The following ZSWIM6 variants were observed in gnomAD, a reference collection of about 807,000 sequenced individuals.
ZSWIM6 encodes zinc finger SWIM-type containing 6, also known as zinc finger SWIM domain-containing protein 6.
In ZSWIM6, 9 loss-of-function variants were observed where a neutral mutation model predicts 113.2. That is an observed-to-expected ratio of 0.08 (90% confidence interval 0.05 to 0.14). The LOEUF (loss-of-function observed/expected upper bound fraction) is 0.14. Among genes scored for constraint, ZSWIM6 ranks in the 10% least tolerant of loss-of-function variants. The pLI is 1.00. For synonymous variants in ZSWIM6, 611 were observed against 606.5 expected, an observed-to-expected ratio of 1.01 and a Z score of -0.11; for missense variants, 1,162 against 1,552.2, an observed-to-expected ratio of 0.75 and a Z score of 4.22.
At chr5:61,427,641 G>A (rs918604821) in intron 1 of ZSWIM6, among the ~76,000 whole-genome samples, 2 of 151,954 alleles carry the variant, frequency 1.3e-5, no homozygotes, top group Admixed American at 1.3e-4. Flanking sequence ...ACTGTGCCTC[G>A]TTAATTTTTA....
At chr5:61,383,379 G>T (rs1421018484) in intron 1 of ZSWIM6, among the ~76,000 whole-genome samples, 1 of 152,178 alleles carries the variant, frequency 6.6e-6, no homozygotes, top group African/African-American at 2.4e-5. Flanking sequence ...GGAGGACCAT[G>T]TGCCTGGCTG....
At chr5:61,393,414 G>T (rs1322105645) in intron 1 of ZSWIM6, among the ~76,000 whole-genome samples, 3 of 152,164 alleles carry the variant, frequency 2.0e-5, no homozygotes, top group East Asian at 1.9e-4. Context: ...AACATTATTG[G>T]TGTATTCATC....
rs1747602777 is a variant in ZSWIM6, at chr5:61,472,714, C to T, written c.710C>T (p.Ala237Val). The change falls in exon 2 of 14, where the codon GCA becomes GTA. Residue 237 changes from alanine (A) to valine (V), a missense_variant. This residue lies in a region of ZSWIM6 where 96 missense variants were observed against 240.3 expected (regional missense o/e 0.40). Transcript: ENST00000252744. This position sits in a 1 kb window ranked among gnomAD's most constrained non-coding sequence, Gnocchi z 4.1. ...TTGAGCGGCACAGTGACAGAACCTG[C>T]AATACAATCGGAGCCAGAAACTGTT... ...FHLSGTVTEP[A>V]IQSEPETVCN... is the part of the protein sequence containing the mutation. The T allele has an allele frequency of 6.5e-7, 1 of 1,545,624 alleles. No individual in the cohort carries two copies. The highest frequency in any genetic ancestry group is 2.0e-5 in the Admixed American group (1 of 50,690).
chr5:61,474,170 T>C (rs1747648768), intron 2 of ZSWIM6, among the ~76,000 whole-genome samples: 1 of 152,206 alleles, frequency 6.6e-6, no homozygotes, highest in South Asian at 2.1e-4. Context: ...GGTTTGTGTT[T>C]TGTTGTTTTT....
chr5:61,452,362 A>C (rs1315186797), intron 1 of ZSWIM6, among the ~76,000 whole-genome samples: 2 of 152,172 alleles, frequency 1.3e-5, no homozygotes, highest in Non-Finnish European at 2.9e-5. Flanking sequence ...TTTTTATTAC[A>C]AAAATGTTAT....
At position 61,446,065 on chromosome 5, in the gene ZSWIM6, C is replaced by T. The variant is rs557366506; in HGVS notation, c.677-26616C>T. Among the ~76,000 whole-genome samples, 33 of 152,278 alleles carry T rather than the reference C, an allele frequency of 2.2e-4. No homozygotes were observed. The South Asian group carries it at 6.6e-3, about 31-fold the overall frequency. ...CAAACATTTATCACATTTACATGTA[C>T]TCTTGTCGCCAGGCTGAGTGGCATG... On this transcript the variant is annotated intron_variant, in intron 1 of 13. Coordinates refer to ENST00000252744, the MANE Select transcript of ZSWIM6 (RefSeq NM_020928.2).
chr5:61,377,703 G>A (rs1745400476), intron 1 of ZSWIM6, among the ~76,000 whole-genome samples: 20 of 148,932 alleles, frequency 1.3e-4, no homozygotes, highest in Admixed American at 1.1e-3. Flanking sequence ...GCGACAGAGC[G>A]AGACTTCGTC....
At chr5:61,355,080 A>G (rs544520120) in intron 1 of ZSWIM6, among the ~76,000 whole-genome samples, 4 of 152,100 alleles carry the variant, frequency 2.6e-5, no homozygotes, top group Admixed American at 2.0e-4. Context: ...AATGTGACTG[A>G]TATTTTTTGT....
At chr5:61,523,922 A>G (rs1749208184) in intron 5 of ZSWIM6, among the ~76,000 whole-genome samples, 1 of 152,232 alleles carries the variant, frequency 6.6e-6, no homozygotes, top group Non-Finnish European at 1.5e-5. Flanking sequence ...TCAGGTATCT[A>G]TTAATGTTTT....
intron 1 of ZSWIM6, among the ~76,000 whole-genome samples, chr5:61,334,625 C>T (rs1177627231): frequency 6.6e-6 from 1 of 152,140 alleles, no homozygotes; most frequent in Non-Finnish European, 1.5e-5. Context: ...TCTGCATGGT[C>T]ATTTATTTCC....
chr5:61,474,558 C>T (rs1298107394), intron 2 of ZSWIM6, among the ~76,000 whole-genome samples: 2 of 152,098 alleles, frequency 1.3e-5, no homozygotes, highest in Non-Finnish European at 2.9e-5. Context: ...TGTTATTTTA[C>T]TTTTTTTCAT....
chr5:61,519,139 G>C (rs896964909), intron 4 of ZSWIM6, among the ~76,000 whole-genome samples: 1 of 152,040 alleles, frequency 6.6e-6, no homozygotes, highest in Non-Finnish European at 1.5e-5. Context: ...AACAAACCAG[G>C]GTAGATTCAG....
intron 1 of ZSWIM6, among the ~76,000 whole-genome samples, chr5:61,401,128 G>A (rs1252833161): frequency 1.3e-5 from 2 of 151,808 alleles, no homozygotes; most frequent in East Asian, 3.9e-4. Context: ...TTGTGTTAGT[G>A]GTCTTTACTA....
chr5:61,544,229 T>C lies in ZSWIM6; in HGVS notation c.3560T>C (p.Ile1187Thr). 6.4e-7 allele frequency: 1 copy of C among 1,551,138 alleles called. No individual in the cohort carries two copies. Among genetic ancestry groups the C allele is most frequent in the East Asian group, 2.4e-5 (1 of 40,860 alleles). ...ETFLMAHDGHIQFTQFIDNLK... is the reference protein window; with the variant it reads ...ETFLMAHDGHTQFTQFIDNLK... ...TTCTTAATGGCGCATGATGGACACA[T>C]TCAGTTTACACAGTTTATTGACAAC... Residue 1187 changes from isoleucine to threonine, a missense_variant, in exon 14 of 14, where the codon ATT (isoleucine) becomes ACT (threonine). Ile to Thr is a moderately conservative substitution (Grantham distance 89). This residue lies in a region of ZSWIM6 where 113 missense variants were observed against 213.8 expected (regional missense o/e 0.53). Transcript: ENST00000252744.
At chr5:61,500,936 T>C (rs1748449054) in intron 4 of ZSWIM6, among the ~76,000 whole-genome samples, 2 of 152,122 alleles carry the variant, frequency 1.3e-5, no homozygotes, top group Admixed American at 1.3e-4. Flanking sequence ...TATGGCTCTG[T>C]AGGCTCTGCA....
intron 1 of ZSWIM6, among the ~76,000 whole-genome samples, chr5:61,439,284 A>G (rs995898250): frequency 1.3e-5 from 2 of 152,198 alleles, no homozygotes; most frequent in African/African-American, 4.8e-5. Context: ...TCCAGGCAAT[A>G]TCTGGTGAGC....
chr5:61,360,898 C>A lies in ZSWIM6; in HGVS notation c.676+27950C>A, dbSNP rs546058647. ...TGTCTCACTGAGGCACCTTGGTTTT[C>A]TTCTTTCTCTACGCATTCCTTAGAC... On this transcript the variant is annotated intron_variant, in intron 1 of 13. Coordinates refer to ENST00000252744, the MANE Select transcript of ZSWIM6 (RefSeq NM_020928.2). Among the ~76,000 whole-genome samples the A allele has an allele frequency of 5.3e-5, 8 of 152,272 alleles. No individual in the cohort carries two copies. The South Asian group carries it at 1.7e-3, about 32-fold the overall frequency.
intron 1 of ZSWIM6, among the ~76,000 whole-genome samples, chr5:61,392,512 G>A (rs561031531): frequency 7.2e-5 from 11 of 152,174 alleles, no homozygotes; most frequent in Non-Finnish European, 1.5e-4. Flanking sequence ...TAATATGCAC[G>A]CATGTGTGCT....
chr5:61,442,405 T>G (rs1299044488), intron 1 of ZSWIM6, among the ~76,000 whole-genome samples: 1 of 152,130 alleles, frequency 6.6e-6, no homozygotes, highest in Non-Finnish European at 1.5e-5. Flanking sequence ...TGCTTCATGC[T>G]TAGGAGGGGT....
Sources: allele counts gnomAD v4.1 joint callset (sites outside exome capture counted in the v4.1 genomes callset), GRCh38; gene constraint gnomAD v4.1.1; regional missense constraint gnomAD v4.1.1; non-coding constraint Gnocchi (gnomAD v3.1); transcripts MANE v1.5; gene names NCBI Gene and HGNC (gene_info 2026-07-23, HGNC 2026-07-21).